The following FARS2 variants were observed in gnomAD, a reference collection of about 807,000 sequenced individuals.
FARS2 encodes the protein phenylalanyl-tRNA synthetase 2, mitochondrial, also known as phenylalanine--tRNA ligase, mitochondrial.
In FARS2, 40 loss-of-function variants were observed where a neutral mutation model predicts 46.4. The ratio of observed to expected loss-of-function variants is 0.86; its 90% CI spans 0.67 to 1.12. The LOEUF is 1.12. Ranked by LOEUF, FARS2 falls within the 50% of genes most tolerant of loss-of-function variation. FARS2 has a pLI of 0.00. For synonymous variants in FARS2, 234 were observed against 214.9 expected, an observed-to-expected ratio of 1.09 and a Z score of -0.78; for missense variants, 513 against 567.9, an observed-to-expected ratio of 0.90 and a Z score of 0.98.
chr6:5,672,669 C>T (rs796310702), intron 6 of FARS2, among the ~76,000 whole-genome samples: 13 of 152,262 alleles, frequency 8.5e-5, no homozygotes, highest in African/African-American at 3.1e-4. Flanking sequence ...CTTGCGAGCC[C>T]CCCTTAAAAA....
chr6:5,405,062 G>T (rs936164900), intron 3 of FARS2, among the ~76,000 whole-genome samples: 1 of 152,042 alleles, frequency 6.6e-6, no homozygotes. Flanking sequence ...CTCCCAAAGT[G>T]TTGGGATTAC....
intron 6 of FARS2, among the ~76,000 whole-genome samples, chr6:5,674,652 C>G (rs1227180719): frequency 2.6e-5 from 4 of 152,108 alleles, no homozygotes; most frequent in Non-Finnish European, 5.9e-5. Flanking sequence ...CCTGATTTCT[C>G]TTTGCCTAGG....
intron 5 of FARS2, among the ~76,000 whole-genome samples, chr6:5,612,475 G>T (rs562157379): frequency 2.5e-4 from 38 of 151,930 alleles, no homozygotes; most frequent in African/African-American, 8.9e-4. Context: ...GTTTAGTTGT[G>T]ATATATATAT....
At chr6:5,470,183 G>A (rs992812820) in intron 4 of FARS2, among the ~76,000 whole-genome samples, 1 of 152,276 alleles carries the variant, frequency 6.6e-6, no homozygotes, top group East Asian at 1.9e-4. Flanking sequence ...TGCAGGTTCT[G>A]CATCCGCAGA....
At chr6:5,564,729 A>G (rs887684012) in intron 5 of FARS2, among the ~76,000 whole-genome samples, 2 of 152,216 alleles carry the variant, frequency 1.3e-5, no homozygotes, top group Admixed American at 1.3e-4. Context: ...TTCACATAAG[A>G]CTTCTAAAGC....
chr6:5,473,533 C>CAA (rs368264799), intron 4 of FARS2, among the ~76,000 whole-genome samples: 6 of 82,114 alleles, frequency 7.3e-5, no homozygotes, highest in Admixed American at 1.2e-4. Context: ...TCTCAAAAAA[C>CAA]AAAAAAAAAA....
At chr6:5,467,723 C>G (rs1765589340) in intron 4 of FARS2, among the ~76,000 whole-genome samples, 1 of 152,076 alleles carries the variant, frequency 6.6e-6, no homozygotes, top group Admixed American at 6.5e-5. Context: ...TGTTCTTATT[C>G]TTCTTCTCTG....
chr6:5,694,225 C>T (rs985038008), intron 6 of FARS2, among the ~76,000 whole-genome samples: 2 of 152,186 alleles, frequency 1.3e-5, no homozygotes, highest in African/African-American at 4.8e-5. Flanking sequence ...TAGCTAAGGT[C>T]AGTGTATGCT....
rs999031209 is a variant in FARS2, at chr6:5,471,155, G to A, written c.904+39983G>A. ...TGACCCAGAAGCAGCAGTAGAGGGC[G>A]CTCGGCCCCTCATTTCATAATAGTG... On this transcript the variant is annotated intron_variant, in intron 4 of 6. Transcript: ENST00000274680. This position sits in a 1 kb window ranked among gnomAD's most constrained non-coding sequence, Gnocchi z 4.1. Among the ~76,000 whole-genome samples, 10 of 152,172 alleles carry A rather than the reference G, an allele frequency of 6.6e-5. No homozygotes were observed. Among genetic ancestry groups the A allele is most frequent in the Admixed American group, 5.2e-4 (8 of 15,276 alleles).
intron 4 of FARS2, among the ~76,000 whole-genome samples, chr6:5,507,058 C>T (rs531235655): frequency 3.9e-5 from 6 of 152,276 alleles, no homozygotes; most frequent in South Asian, 2.1e-4. Flanking sequence ...TTCTAAAATC[C>T]GATTCACACA....
intron 6 of FARS2, among the ~76,000 whole-genome samples, chr6:5,753,870 A>G (rs1221324677): frequency 6.6e-6 from 1 of 152,200 alleles, no homozygotes; most frequent in Non-Finnish European, 1.5e-5. Context: ...ACCTGCCTAC[A>G]TGTCACATGC....
intron 4 of FARS2, among the ~76,000 whole-genome samples, chr6:5,472,308 G>T (rs1335694430): frequency 6.6e-6 from 1 of 152,192 alleles, no homozygotes; most frequent in East Asian, 1.9e-4. Context: ...GTCATGGATC[G>T]CTGAAGGCAG....
At chr6:5,634,822 A>T (rs1776465625) in intron 6 of FARS2, among the ~76,000 whole-genome samples, 1 of 152,122 alleles carries the variant, frequency 6.6e-6, no homozygotes, top group Non-Finnish European at 1.5e-5. Context: ...GTGCCCTTCG[A>T]CCCAGCTAAA....
chr6:5,721,767 C>T lies in FARS2; in HGVS notation c.1218-49524C>T, dbSNP rs117340989. On this transcript the variant is annotated intron_variant, in intron 6 of 6. Transcript: ENST00000274680. ...TCATTGGCCAAAAACACTGTCAGTT[C>T]TTGAAGTGGCAGGCTCATTGCATTT... 6.9e-4 allele frequency among the ~76,000 whole-genome samples: 105 copies of T among 152,344 alleles called. 2 individuals are homozygous for T. The East Asian group carries it at 0.015, about 21-fold the overall frequency.
chr6:5,413,957 C>T (rs1762079318), intron 3 of FARS2, among the ~76,000 whole-genome samples: 1 of 152,126 alleles, frequency 6.6e-6, no homozygotes, highest in Non-Finnish European at 1.5e-5. Context: ...TGCTGATTAC[C>T]AGCCCATCGG....
In FARS2 at chr6:5,591,532, G is replaced by A. The variant is rs147006975; in HGVS notation, c.1066-21637G>A. 4.0e-3 allele frequency among the ~76,000 whole-genome samples: 616 copies of A among 152,360 alleles called. 13 individuals are homozygous for A. The highest frequency in any genetic ancestry group is 0.037 in the Admixed American group (564 of 15,308). ...CGAGATATGGGCGATCCAGGTGCCT[G>A]CTGGCATGTCCACTCGGATGACCTG... On this transcript the variant is annotated intron_variant, in intron 5 of 6. Coordinates refer to ENST00000274680, the MANE Select transcript of FARS2 (RefSeq NM_006567.5).
the FARS2 span, among the ~76,000 whole-genome samples, chr6:5,251,091 C>T: frequency 2.6e-5 from 4 of 152,172 alleles, no homozygotes; most frequent in East Asian, 3.8e-4. Context: ...ATTGCATATG[C>T]GCAACCATAC....
intron 5 of FARS2, among the ~76,000 whole-genome samples, chr6:5,573,496 T>C (rs1481441241): frequency 1.3e-5 from 2 of 152,310 alleles, no homozygotes; most frequent in South Asian, 2.1e-4. Flanking sequence ...CCCCATATTA[T>C]GGTGAAAGCA....
intron 6 of FARS2, among the ~76,000 whole-genome samples, chr6:5,640,871 G>A (rs1387229933): frequency 1.3e-5 from 2 of 152,150 alleles, no homozygotes; most frequent in Non-Finnish European, 2.9e-5. Context: ...TTGTAACAAG[G>A]GTCAAATGGA....
Sources: allele counts gnomAD v4.1 joint callset (sites outside exome capture counted in the v4.1 genomes callset), GRCh38; gene constraint gnomAD v4.1.1; non-coding constraint Gnocchi (gnomAD v3.1); transcripts MANE v1.5; gene names NCBI Gene and HGNC (gene_info 2026-07-23, HGNC 2026-07-21).